The following STIM2 variants were observed in gnomAD, a reference collection of about 807,000 sequenced individuals.
STIM2 encodes stromal interaction molecule 2.
Under a neutral mutation model 85.8 loss-of-function variants are expected in STIM2, and 31 were observed. The observed-to-expected ratio is 0.36, with a 90% CI of 0.27 to 0.49. The LOEUF is 0.49. Ranked by LOEUF, STIM2 falls within the 20% of genes least tolerant of loss-of-function variation. The probability of loss-of-function intolerance (pLI) is 0.98; values close to 1 mark genes in which losing one functional copy is unlikely to be tolerated. For missense variants in STIM2, 841 were observed against 927.6 expected (o/e 0.91, Z 1.21); for synonymous variants, 356 against 331.1 (o/e 1.08, Z -0.82).
At chr4:26,953,610 A>C (rs1398747860) in intron 2 of STIM2, among the ~76,000 whole-genome samples, 1 of 152,126 alleles carries the variant, frequency 6.6e-6, no homozygotes, top group Non-Finnish European at 1.5e-5. Context: ...AAACAGACTT[A>C]TGGAAATCAG....
intron 1 of STIM2, among the ~76,000 whole-genome samples, chr4:26,882,422 AACCTAG>A (rs1723046691): frequency 1.3e-5 from 2 of 150,744 alleles, no homozygotes; most frequent in African/African-American, 4.9e-5. Flanking sequence ...TTTATCTAGA[AACCTAG>A]TTTCTTAAAT....
chr4:26,942,883 G>A (rs890059516), intron 2 of STIM2, among the ~76,000 whole-genome samples: 1 of 152,040 alleles, frequency 6.6e-6, no homozygotes, highest in Admixed American at 6.6e-5. Flanking sequence ...ACCGAGTCCT[G>A]AGCTCTGGCT....
At chr4:26,921,538 A>G (rs999997488) in intron 2 of STIM2, among the ~76,000 whole-genome samples, 1 of 152,246 alleles carries the variant, frequency 6.6e-6, no homozygotes, top group Non-Finnish European at 1.5e-5. Context: ...CTGTTTTCCA[A>G]TAAAACTTTA....
intron 1 of STIM2, among the ~76,000 whole-genome samples, chr4:26,884,444 G>A (rs193246867): frequency 2.6e-4 from 40 of 152,294 alleles, no homozygotes; most frequent in Middle Eastern, 3.4e-3. Flanking sequence ...TGCTCTGCTC[G>A]AAATGGTTAT....
At chr4:26,966,407 A>G (rs559488347) in intron 3 of STIM2, among the ~76,000 whole-genome samples, 3 of 152,284 alleles carry the variant, frequency 2.0e-5, no homozygotes, top group African/African-American at 7.2e-5. Context: ...TGTAGAACAA[A>G]TATTTTATTT....
intron 2 of STIM2, among the ~76,000 whole-genome samples, chr4:26,921,113 C>T (rs994073792): frequency 5.9e-5 from 9 of 152,106 alleles, no homozygotes; most frequent in Non-Finnish European, 1.0e-4. Context: ...GAGAGGAGAA[C>T]GCCATGTGGA....
At chr4:26,870,838 G>A (rs6833053) in intron 1 of STIM2, among the ~76,000 whole-genome samples, 42,033 of 151,884 alleles carry the variant, frequency 0.28, 5,956 homozygotes, top group East Asian at 0.42. Flanking sequence ...TTACTGAATT[G>A]CAAAGATGGA....
chr4:26,861,190 G>T lies in STIM2; in HGVS notation c.-29G>T. On this transcript the variant is annotated 5_prime_UTR_variant, in exon 1 of 12. Transcript: ENST00000467087. ...TCGACTCCTGGCCCAGCGTGGGGCTGGCTGCTGCGGCGGCGGCGCTGGGCT... is the reference window on the plus strand; with the variant it reads ...TCGACTCCTGGCCCAGCGTGGGGCTTGCTGCTGCGGCGGCGGCGCTGGGCT... 1 of 1,443,964 alleles carries T rather than the reference G, an allele frequency of 6.9e-7. No individual in the cohort carries two copies. The allele number at this position is 1,443,964 out of a possible 1,614,324, so 89.4% of individuals were successfully genotyped here.
chr4:26,948,358 T>C (rs1016011850), intron 2 of STIM2, among the ~76,000 whole-genome samples: 6 of 152,174 alleles, frequency 3.9e-5, no homozygotes, highest in Admixed American at 1.3e-4. Context: ...CCCTGTGGAA[T>C]AGGGATAGTC....
At chr4:26,929,503 C>T (rs1342083948) in intron 2 of STIM2, among the ~76,000 whole-genome samples, 1 of 151,932 alleles carries the variant, frequency 6.6e-6, no homozygotes. Context: ...TACTTAATTT[C>T]TTGTGATTTT....
chr4:26,949,049 C>A lies in STIM2; in HGVS notation c.283-8563C>A, dbSNP rs143988016. On this transcript the variant is annotated intron_variant, in intron 2 of 11. Coordinates refer to ENST00000467087, the MANE Select transcript of STIM2 (RefSeq NM_020860.4). ...TCTTTGTAGAATATTATTTTTTCTT[C>A]AGTCTTAATCTTCCAATATCACTTT... Among the ~76,000 whole-genome samples, 8 of 152,232 alleles carry A rather than the reference C, an allele frequency of 5.3e-5. No homozygotes were observed. The East Asian group carries it at 1.5e-3, about 29-fold the overall frequency.
Position 27,023,026 on chromosome 4 carries a change from G to A in STIM2, c.*30G>A, listed in dbSNP as rs762728058. 4 of 1,589,260 alleles carry A rather than the reference G, an allele frequency of 2.5e-6. No individual in the cohort carries two copies. Among genetic ancestry groups the A allele is most frequent in the Non-Finnish European group, 3.4e-6 (4 of 1,170,616 alleles). On this transcript the variant is annotated 3_prime_UTR_variant, in exon 12 of 12. Transcript: ENST00000467087. ...GCTGACTTGATGGAATCATGTTCAA[G>A]TGGCATCTGTAAACTATTATCCCCC... is the stretch of plus-strand genomic sequence containing the variant.
chr4:26,945,178 C>T (rs537537300), intron 2 of STIM2, among the ~76,000 whole-genome samples: 16 of 152,230 alleles, frequency 1.1e-4, no homozygotes, highest in African/African-American at 3.8e-4. Flanking sequence ...CTCCCACTTA[C>T]AAATGAGAAC....
chr4:26,878,664 C>A (rs1722896473), intron 1 of STIM2, among the ~76,000 whole-genome samples: 1 of 152,086 alleles, frequency 6.6e-6, no homozygotes, highest in Non-Finnish European at 1.5e-5. Flanking sequence ...TGTATTAGTT[C>A]ATTTTCACAC....
rs541526942 is a variant in STIM2, at chr4:26,909,709, C to T, written c.152-9795C>T. Among the ~76,000 whole-genome samples the T allele has an allele frequency of 1.7e-4, 26 of 152,214 alleles. No homozygotes were observed. In the South Asian group the frequency reaches 5.4e-3, roughly 32 times the overall value. ...GTAACATAAAATTGATCATTTTAAC[C>T]GTTTTTGAGCATACAATTCAGTAGC... is the stretch of plus-strand genomic sequence containing the variant. On this transcript the variant is annotated intron_variant, in intron 1 of 11. Coordinates refer to ENST00000467087, the MANE Select transcript of STIM2 (RefSeq NM_020860.4).
chr4:26,923,392 C>T (rs574565700), intron 2 of STIM2, among the ~76,000 whole-genome samples: 2 of 152,198 alleles, frequency 1.3e-5, no homozygotes, highest in South Asian at 4.1e-4. Context: ...TTTTGACGAG[C>T]TGAGAGAAGA....
intron 2 of STIM2, among the ~76,000 whole-genome samples, chr4:26,940,016 C>T (rs990601613): frequency 2.0e-5 from 3 of 152,070 alleles, no homozygotes; most frequent in Admixed American, 6.6e-5. Context: ...CAAAGCTCTG[C>T]GTAGAGTCGT....
chr4:26,860,859 C>G lies in STIM2; in HGVS notation c.-360C>G. On this transcript the variant is annotated 5_prime_UTR_variant, in exon 1 of 12. Transcript: ENST00000467087. ...CGGCGCCAGAGCAGCGGATCCCGGT[C>G]TCGCCGCAGCAGCAGCGCGGGTGTC... The G allele has an allele frequency of 4.9e-6, 4 of 811,364 alleles. No homozygotes were observed. The highest frequency in any genetic ancestry group is 6.0e-6 in the Non-Finnish European group (4 of 666,332). The allele number at this position is 811,364 out of a possible 1,614,324, so 50.3% of individuals were successfully genotyped here.
intron 2 of STIM2, among the ~76,000 whole-genome samples, chr4:26,944,390 G>C (rs1410238330): frequency 6.6e-6 from 1 of 151,948 alleles, no homozygotes; most frequent in East Asian, 1.9e-4. Context: ...GATTTGACTT[G>C]TTTTCTTAGT....
Sources: allele counts gnomAD v4.1 joint callset (sites outside exome capture counted in the v4.1 genomes callset), GRCh38; gene constraint gnomAD v4.1.1; transcripts MANE v1.5; gene names NCBI Gene and HGNC (gene_info 2026-07-23, HGNC 2026-07-21).